Variants in CHKA observed in about 807,000 individuals in gnomAD.
CHKA encodes the protein choline kinase alpha, also known as CHETK-alpha.
A neutral mutation model predicts 60.1 loss-of-function variants in CHKA; 34 were observed. The ratio of observed to expected loss-of-function variants is 0.57; its 90% CI spans 0.43 to 0.75. The LOEUF is 0.75. Ranked by LOEUF, CHKA falls within the 30% of genes least tolerant of loss-of-function variation. The probability of loss-of-function intolerance (pLI) is 0.00; values close to 1 mark genes in which losing one functional copy is unlikely to be tolerated. For synonymous variants in CHKA, 217 were observed against 223.1 expected (o/e 0.97, Z 0.24); for missense variants, 563 against 561.3 (o/e 1.00, Z -0.03).
At chr11:68,117,140 G>A (rs1858419829) in intron 1 of CHKA, among the ~76,000 whole-genome samples, 1 of 152,146 alleles carries the variant, frequency 6.6e-6, no homozygotes, top group African/African-American at 2.4e-5. Flanking sequence ...AAGTGCTAAG[G>A]ATGAGACACA....
intron 1 of CHKA, among the ~76,000 whole-genome samples, chr11:68,109,817 T>C (rs898385827): frequency 2.0e-5 from 3 of 152,082 alleles, no homozygotes; most frequent in Non-Finnish European, 2.9e-5. Flanking sequence ...CTGAATGTGA[T>C]GGTGCACACC....
At chr11:68,072,752 G>C (rs1856661867) in intron 4 of CHKA, among the ~76,000 whole-genome samples, 1 of 152,028 alleles carries the variant, frequency 6.6e-6, no homozygotes. Flanking sequence ...GGTGACTTAG[G>C]AGGCTGAGAC....
At position 68,064,479 on chromosome 11, in the gene CHKA, T is replaced by C. The variant is rs773045177; in HGVS notation, c.1232+46A>G. Reference sequence around the variant, plus strand: ...GTCAGCATCTCCCAAATATAGTCTATAAAGAGGAAAGCTATCTTTACAAAT... The same window carrying C: ...GTCAGCATCTCCCAAATATAGTCTACAAAGAGGAAAGCTATCTTTACAAAT... On this transcript the variant is annotated intron_variant, in intron 10 of 11. Transcript: ENST00000265689. 3.3e-5 allele frequency: 32 copies of C among 976,980 alleles called. 1 individual carries two copies. Among genetic ancestry groups the C allele is most frequent in the South Asian group, 1.7e-4 (11 of 65,370 alleles). The allele number at this position is 976,980 out of a possible 1,614,324, so 60.5% of individuals were successfully genotyped here. A position where few individuals can be genotyped will look rare whatever the true frequency, so the allele number is the denominator to read the frequency against.
In CHKA at chr11:68,062,243, G is replaced by A. The variant is rs199712734; in HGVS notation, c.1233-209C>T. ...CTTCCCTCATCTGCTAGTGACAGGTGCACTGGTGAGTGTGAACACACACAG... is the reference window on the plus strand; with the variant it reads ...CTTCCCTCATCTGCTAGTGACAGGTACACTGGTGAGTGTGAACACACACAG... On this transcript the variant is annotated intron_variant, in intron 10 of 11. Coordinates refer to ENST00000265689, the MANE Select transcript of CHKA (RefSeq NM_001277.3). 5.3e-5 allele frequency among the ~76,000 whole-genome samples: 8 copies of A among 152,338 alleles called. No homozygotes were observed. The East Asian group carries it at 1.4e-3, about 26-fold the overall frequency.
chr11:68,083,904 T>C (rs1383503861), intron 2 of CHKA, among the ~76,000 whole-genome samples: 2 of 151,940 alleles, frequency 1.3e-5, no homozygotes, highest in African/African-American at 2.4e-5. Flanking sequence ...TGTATATTCA[T>C]GGAAAGGTAA....
At chr11:68,100,204 T>TA (rs778555354) in intron 1 of CHKA, among the ~76,000 whole-genome samples, 22 of 152,168 alleles carry the variant, frequency 1.4e-4, no homozygotes, top group Non-Finnish European at 2.5e-4. Context: ...TCCTCCCAAG[T>TA]AAAACCCCAG....
chr11:68,120,815 C>G lies in CHKA; in HGVS notation c.350+13G>C. The G allele has an allele frequency of 2.4e-6, 3 of 1,233,606 alleles. No individual in the cohort carries two copies. The highest frequency in any genetic ancestry group is 3.1e-5 in the Admixed American group (1 of 32,474). The allele number at this position is 1,233,606 out of a possible 1,614,324, so 76.4% of individuals were successfully genotyped here. ...CTGACTGTCCCGCGGCCCCCAGACC[C>G]GGCGCCACCGACCTGATGACACTGA... is the stretch of plus-strand genomic sequence containing the variant. On this transcript the variant is annotated intron_variant, in intron 1 of 11. Coordinates refer to ENST00000265689, the MANE Select transcript of CHKA (RefSeq NM_001277.3).
In CHKA at chr11:68,074,759, G is replaced by C. The variant is rs1856731620; in HGVS notation, c.588C>G (p.Leu196=). The C allele has an allele frequency of 1.2e-6, 2 of 1,614,084 alleles. No individual in the cohort carries two copies. Among genetic ancestry groups the C allele is most frequent in the Admixed American group, 1.7e-5 (1 of 60,006 alleles). The change falls in exon 4 of 12, where the codon CTC becomes CTG. Residue 196 remains leucine, a synonymous_variant. Transcript: ENST00000265689. ...ILAERSLGPK[L]YGIFPQGRLE... The stretch of plus-strand genomic sequence containing the variant: ...GTCGGCCTTGGGGAAAGATGCCATA[G>C]AGTTTTGGCCCAAGTGACCTCTCTG...
intron 1 of CHKA, among the ~76,000 whole-genome samples, chr11:68,114,961 C>T (rs898290264): frequency 6.6e-6 from 1 of 152,088 alleles, no homozygotes; most frequent in Non-Finnish European, 1.5e-5. Flanking sequence ...AGATGGTCTC[C>T]AACTTATGAT....
At chr11:68,063,563 A>T (rs571146026) in intron 10 of CHKA, among the ~76,000 whole-genome samples, 2 of 151,916 alleles carry the variant, frequency 1.3e-5, no homozygotes, top group South Asian at 4.2e-4. Flanking sequence ...TGTCTGGATG[A>T]CAGTTCAGAA....
intron 11 of CHKA, 85 bp from the exon 12 acceptor site, chr11:68,054,132 C>G: frequency 8.3e-7 from 1 of 1,210,304 alleles, no homozygotes; most frequent in Non-Finnish European, 1.2e-6. Context: ...CCACCCCAGG[C>G]AAGAGCTGAG....
At chr11:68,114,115 C>T (rs1009972995) in intron 1 of CHKA, among the ~76,000 whole-genome samples, 1 of 152,188 alleles carries the variant, frequency 6.6e-6, no homozygotes, top group African/African-American at 2.4e-5. Flanking sequence ...ATCTCATTCA[C>T]TGCTGGTAGG....
chr11:68,097,554 T>C (rs1857555600), intron 1 of CHKA, among the ~76,000 whole-genome samples: 1 of 145,028 alleles, frequency 6.9e-6, no homozygotes. Flanking sequence ...GAGAATGGCA[T>C]GAACCCGGGA....
intron 3 of CHKA, among the ~76,000 whole-genome samples, chr11:68,076,448 A>T (rs1417753148): frequency 6.6e-6 from 1 of 152,080 alleles, no homozygotes; most frequent in Non-Finnish European, 1.5e-5. Flanking sequence ...ACATCACAGA[A>T]AGTATCCGGG....
At chr11:68,067,508 T>A (rs1856483545) in intron 7 of CHKA, among the ~76,000 whole-genome samples, 1 of 151,990 alleles carries the variant, frequency 6.6e-6, no homozygotes, top group South Asian at 2.1e-4. Context: ...GGCAGGAGGA[T>A]CACTTAAGCC....
At chr11:68,109,018 G>T (rs918344250) in intron 1 of CHKA, among the ~76,000 whole-genome samples, 12 of 102,264 alleles carry the variant, frequency 1.2e-4, no homozygotes, top group Admixed American at 5.9e-4. Context: ...GAAAACTGAG[G>T]GGGGGAAAAA....
chr11:68,115,453 G>A (rs1041658667), intron 1 of CHKA, among the ~76,000 whole-genome samples: 1 of 152,188 alleles, frequency 6.6e-6, no homozygotes, highest in African/African-American at 2.4e-5. Context: ...TTCTGGTGGG[G>A]GAAGTTGAGA....
At chr11:68,057,888 ATTTGT>A (rs531533748) in intron 11 of CHKA, among the ~76,000 whole-genome samples, 203 of 151,832 alleles carry the variant, frequency 1.3e-3, no homozygotes, top group Non-Finnish European at 2.6e-3. Flanking sequence ...GTTCCATCTG[ATTTGT>A]TTTTTGTTTT....
At chr11:68,070,651 A>C in intron 5 of CHKA, 73 bp downstream of exon 5, 3 of 1,522,742 alleles carry the variant, frequency 2.0e-6, no homozygotes, top group Non-Finnish European at 2.7e-6. Flanking sequence ...GTGGCAAACA[A>C]ATGCTCACTT....
Sources: gnomAD v4.1 joint callset for allele counts (sites outside exome capture counted in the v4.1 genomes callset) on GRCh38, gnomAD v4.1.1 for gene constraint, MANE v1.5 for transcripts, NCBI Gene and HGNC (gene_info 2026-07-23, HGNC 2026-07-21) for gene names.